Variants in GLIS3 observed in about 807,000 individuals in gnomAD.
GLIS3 encodes GLIS family zinc finger 3, also known as zinc finger protein GLIS3.
Under a neutral mutation model 78.6 loss-of-function variants are expected in GLIS3, and 53 were observed. The observed-to-expected ratio is 0.67, with a 90% confidence interval of 0.54 to 0.85. The LOEUF (loss-of-function observed/expected upper bound fraction) is 0.85. Ranked by LOEUF, GLIS3 falls within the 40% of genes least tolerant of loss-of-function variation. The probability of loss-of-function intolerance (pLI) is 0.00; values close to 1 mark genes in which losing one functional copy is unlikely to be tolerated. For missense variants in GLIS3, 1,703 were observed against 1,231.1 expected (o/e 1.38, Z -5.74); for synonymous variants, 684 against 509.9 (o/e 1.34, Z -4.60).
chr9:4,478,150 T>C, the GLIS3 span, among the ~76,000 whole-genome samples: 514 of 152,186 alleles, frequency 3.4e-3, 4 homozygotes, highest in African/African-American at 0.012. Flanking sequence ...AAAGACACTA[T>C]TGAAACAAGT....
chr9:4,385,181 G>C, the GLIS3 span, among the ~76,000 whole-genome samples: 1 of 152,178 alleles, frequency 6.6e-6, no homozygotes, highest in East Asian at 1.9e-4. Context: ...TGTGCCTGCA[G>C]GACTGTTTCT....
At chr9:4,200,991 T>C (rs564288343) in intron 2 of GLIS3, among the ~76,000 whole-genome samples, 1 of 152,260 alleles carries the variant, frequency 6.6e-6, no homozygotes, top group South Asian at 2.1e-4. Flanking sequence ...TTCACCATAA[T>C]CAATTAGGCT....
intron 2 of GLIS3, among the ~76,000 whole-genome samples, chr9:4,231,573 A>G (rs1413057489): frequency 1.3e-5 from 2 of 152,228 alleles, no homozygotes; most frequent in South Asian, 4.1e-4. Context: ...ATTATGATGG[A>G]ACAGAAAAAC....
At chr9:3,880,774 A>G (rs1008584796) in intron 7 of GLIS3, among the ~76,000 whole-genome samples, 1 of 152,188 alleles carries the variant, frequency 6.6e-6, no homozygotes, top group African/African-American at 2.4e-5. Context: ...ATGGAACAAG[A>G]GTTCAAGTAT....
At chr9:4,260,846 T>G (rs1442873096) in intron 2 of GLIS3, among the ~76,000 whole-genome samples, 1 of 152,224 alleles carries the variant, frequency 6.6e-6, no homozygotes, top group Non-Finnish European at 1.5e-5. Context: ...CCTCTCTCTC[T>G]TTCTCTCCAT....
At chr9:4,460,974 T>C in the GLIS3 span, among the ~76,000 whole-genome samples, 33 of 152,216 alleles carry the variant, frequency 2.2e-4, no homozygotes, top group Non-Finnish European at 4.6e-4. Context: ...GAAAATTTTG[T>C]TCTCATCCAT....
chr9:4,137,698 T>C (rs947768978), intron 2 of GLIS3, among the ~76,000 whole-genome samples: 1 of 152,226 alleles, frequency 6.6e-6, no homozygotes, highest in Non-Finnish European at 1.5e-5. Context: ...AGCTATTGTA[T>C]ATCAATTATC....
the GLIS3 span, among the ~76,000 whole-genome samples, chr9:4,474,943 C>T: frequency 6.7e-6 from 1 of 149,580 alleles, no homozygotes; most frequent in African/African-American, 2.5e-5. Context: ...CAGAACTCTG[C>T]TCCAAACTTA....
chr9:4,091,398 G>C lies in GLIS3; in HGVS notation c.1710+26370C>G, dbSNP rs145871410. Among the ~76,000 whole-genome samples, 23 of 151,978 alleles carry C rather than the reference G, an allele frequency of 1.5e-4. No homozygotes were observed. In the East Asian group the frequency reaches 2.5e-3, roughly 17 times the overall value. ...AATTAAGTTAAAAAAATAATTAAACGTTTGTAAGATTGGTACACGGTAAGC... is the reference window on the plus strand; with the variant it reads ...AATTAAGTTAAAAAAATAATTAAACCTTTGTAAGATTGGTACACGGTAAGC... On this transcript the variant is annotated intron_variant, in intron 4 of 10. Coordinates refer to ENST00000381971, the MANE Select transcript of GLIS3 (RefSeq NM_001042413.2).
chr9:4,273,948 T>G (rs1381838683), intron 2 of GLIS3, among the ~76,000 whole-genome samples: 1 of 152,192 alleles, frequency 6.6e-6, no homozygotes, highest in Admixed American at 6.5e-5. Context: ...ATGTGCAGCT[T>G]TGTTCATCAG....
At chr9:3,970,964 G>C (rs1818331412) in intron 4 of GLIS3, among the ~76,000 whole-genome samples, 1 of 151,750 alleles carries the variant, frequency 6.6e-6, no homozygotes, top group African/African-American at 2.4e-5. Context: ...AAGGAAAAGA[G>C]GGAGAAAGGG....
chr9:4,452,377 C>G, the GLIS3 span, among the ~76,000 whole-genome samples: 1 of 152,150 alleles, frequency 6.6e-6, no homozygotes, highest in African/African-American at 2.4e-5. Flanking sequence ...GACAGGAAGT[C>G]AAAATGTCTC....
At chr9:4,475,986 T>G in the GLIS3 span, among the ~76,000 whole-genome samples, 1 of 152,202 alleles carries the variant, frequency 6.6e-6, no homozygotes, top group Non-Finnish European at 1.5e-5. Flanking sequence ...CGGGCTCAAG[T>G]GATACTCTCT....
intron 2 of GLIS3, among the ~76,000 whole-genome samples, chr9:4,167,581 G>C (rs1245830675): frequency 1.3e-5 from 2 of 152,154 alleles, no homozygotes; most frequent in East Asian, 3.9e-4. Context: ...ATATATGCTT[G>C]CTGAATGAAT....
At chr9:4,240,198 G>T (rs983535691) in intron 2 of GLIS3, among the ~76,000 whole-genome samples, 7 of 24,114 alleles carry the variant, frequency 2.9e-4, no homozygotes, top group African/African-American at 1.0e-3. Context: ...GGGGAGGTGG[G>T]GGGGGGGGAT....
chr9:4,243,883 G>T (rs1054857313), intron 2 of GLIS3, among the ~76,000 whole-genome samples: 3 of 152,198 alleles, frequency 2.0e-5, no homozygotes, highest in Non-Finnish European at 4.4e-5. Context: ...TTTCCTTCAT[G>T]AGGTGGAGCT....
chr9:3,919,080 G>GGAT (rs1253524108), intron 6 of GLIS3, among the ~76,000 whole-genome samples: 1 of 152,116 alleles, frequency 6.6e-6, no homozygotes, highest in Non-Finnish European at 1.5e-5. Context: ...TGCCCCAACT[G>GGAT]GATGGTACTG....
chr9:4,419,203 A>T, the GLIS3 span, among the ~76,000 whole-genome samples: 3 of 152,190 alleles, frequency 2.0e-5, no homozygotes, highest in African/African-American at 4.8e-5. Context: ...TACATCAGGG[A>T]GAAAGACTCC....
At chr9:3,963,473 C>G (rs1817715453) in intron 4 of GLIS3, among the ~76,000 whole-genome samples, 1 of 152,124 alleles carries the variant, frequency 6.6e-6, no homozygotes, top group African/African-American at 2.4e-5. Context: ...TCTGAGTTAT[C>G]ACAGGAAACT....
Sources: gnomAD v4.1 joint callset for allele counts (sites outside exome capture counted in the v4.1 genomes callset) on GRCh38, gnomAD v4.1.1 for gene constraint, MANE v1.5 for transcripts, NCBI Gene and HGNC (gene_info 2026-07-23, HGNC 2026-07-21) for gene names.